CNTNAP2: variants seen among roughly 807,000 people sequenced by gnomAD.
CNTNAP2 encodes contactin-associated protein-like 2.
Under a neutral mutation model 155.2 loss-of-function variants are expected in CNTNAP2, and 98 were observed. The ratio of observed to expected loss-of-function variants is 0.63; its 90% CI spans 0.54 to 0.75. CNTNAP2 has a LOEUF of 0.75. Among genes scored for constraint, CNTNAP2 ranks in the 30% least tolerant of loss-of-function variants. The pLI, the probability that CNTNAP2 is intolerant of heterozygous loss-of-function variation, is 0.00. For missense variants in CNTNAP2, 1,727 were observed against 1,688.1 expected (o/e 1.02, Z -0.40); for synonymous variants, 651 against 631.2 (o/e 1.03, Z -0.47).
intron 8 of CNTNAP2, among the ~76,000 whole-genome samples, chr7:147,279,415 G>A (rs1448951362): frequency 6.6e-6 from 1 of 151,652 alleles, no homozygotes; most frequent in Non-Finnish European, 1.5e-5. Flanking sequence ...GATGAACTTA[G>A]GCGATGGGTC....
chr7:148,420,660 G>C lies in CNTNAP2; in HGVS notation c.*5044G>C. ...TTTCGGAGATGGCTGTGAAAATATG[G>C]AAGTTCCTCTCAAGTAGGCCAAGAA... On this transcript the variant is annotated 3_prime_UTR_variant, in exon 24 of 24. Coordinates refer to ENST00000361727, the MANE Select transcript of CNTNAP2 (RefSeq NM_014141.6). 1 of 152,498 alleles carries C rather than the reference G, an allele frequency of 6.6e-6. No homozygotes were observed. Among genetic ancestry groups the C allele is most frequent in the Non-Finnish European group, 1.5e-5 (1 of 68,038 alleles). 9.4% of individuals were successfully genotyped at this position (152,498 alleles called of 1,614,324 possible). A position where few individuals can be genotyped will look rare whatever the true frequency, so the allele number is the denominator to read the frequency against.
chr7:146,828,414 A>T (rs1585110919), intron 2 of CNTNAP2, among the ~76,000 whole-genome samples: 1 of 152,148 alleles, frequency 6.6e-6, no homozygotes, highest in African/African-American at 2.4e-5. Flanking sequence ...TAAAGAACGC[A>T]GTCCAATCTC....
intron 21 of CNTNAP2, among the ~76,000 whole-genome samples, chr7:148,358,210 A>C (rs1798554065): frequency 6.6e-6 from 1 of 152,196 alleles, no homozygotes; most frequent in Admixed American, 6.5e-5. Context: ...GGGTCAGAGC[A>C]CAAAGAGACT....
chr7:146,172,801 C>T (rs1042073872), intron 1 of CNTNAP2, among the ~76,000 whole-genome samples: 10 of 152,092 alleles, frequency 6.6e-5, no homozygotes, highest in Admixed American at 2.0e-4. Flanking sequence ...TGTTTTTCAA[C>T]GCATTTTGTT....
At chr7:147,913,390 A>G (rs1207877867) in intron 14 of CNTNAP2, among the ~76,000 whole-genome samples, 6 of 152,336 alleles carry the variant, frequency 3.9e-5, no homozygotes, top group Middle Eastern at 3.4e-3. Context: ...CTCTCAGGAA[A>G]TAGAGATTTT....
intron 10 of CNTNAP2, among the ~76,000 whole-genome samples, chr7:147,474,470 C>A (rs1798280908): frequency 6.6e-6 from 1 of 152,014 alleles, no homozygotes; most frequent in Non-Finnish European, 1.5e-5. Context: ...GTAATCCCAG[C>A]TACTCAGGAG....
rs554581660 is a variant in CNTNAP2, at chr7:147,799,537, T to C, written c.2099-104028T>C. Among the ~76,000 whole-genome samples the C allele has an allele frequency of 1.1e-4, 17 of 152,256 alleles. No individual in the cohort carries two copies. The South Asian group carries it at 3.1e-3, about 28-fold the overall frequency. On this transcript the variant is annotated intron_variant, in intron 13 of 23. Transcript: ENST00000361727. ...GTCTACAAAGCATTGTAAAAATGTA[T>C]ATTAAATTTAAAAAAAAGGCAAGAA...
intron 1 of CNTNAP2, among the ~76,000 whole-genome samples, chr7:146,491,731 A>C (rs1032234601): frequency 1.3e-5 from 2 of 152,214 alleles, no homozygotes; most frequent in Admixed American, 6.5e-5. Context: ...CTAATGTCTC[A>C]TATCTGTGGA....
chr7:147,983,765 C>A (rs981782844), intron 15 of CNTNAP2, among the ~76,000 whole-genome samples: 1 of 152,126 alleles, frequency 6.6e-6, no homozygotes, highest in African/African-American at 2.4e-5. Context: ...TAGAAAGGAG[C>A]ATCTGGGTTA....
intron 1 of CNTNAP2, among the ~76,000 whole-genome samples, chr7:146,154,646 A>G (rs1043332699): frequency 1.3e-5 from 2 of 152,204 alleles, no homozygotes; most frequent in African/African-American, 4.8e-5. Flanking sequence ...CATTTACAGC[A>G]TATGCTACAG....
chr7:147,442,003 A>G (rs1797649756), intron 10 of CNTNAP2, among the ~76,000 whole-genome samples: 2 of 151,920 alleles, frequency 1.3e-5, no homozygotes, highest in South Asian at 4.2e-4. Context: ...ATCTGTTGTA[A>G]TCACTCTCTG....
chr7:146,883,302 C>G (rs1383996545), intron 3 of CNTNAP2, among the ~76,000 whole-genome samples: 3 of 152,054 alleles, frequency 2.0e-5, no homozygotes, highest in African/African-American at 4.8e-5. Context: ...TCAGAGATAA[C>G]TTTTAAAATT....
chr7:148,038,922 G>A (rs1045971391), intron 15 of CNTNAP2, among the ~76,000 whole-genome samples: 2 of 152,174 alleles, frequency 1.3e-5, no homozygotes, highest in Non-Finnish European at 2.9e-5. Context: ...AATTATGAAA[G>A]CTAAGTCCCA....
intron 1 of CNTNAP2, among the ~76,000 whole-genome samples, chr7:146,711,418 A>T (rs1801070162): frequency 6.8e-6 from 1 of 147,666 alleles, no homozygotes; most frequent in Admixed American, 6.8e-5. Context: ...ACTATGTAAT[A>T]TATAATATAT....
At chr7:148,180,884 A>G (rs1466685237) in intron 18 of CNTNAP2, among the ~76,000 whole-genome samples, 1 of 152,186 alleles carries the variant, frequency 6.6e-6, no homozygotes, top group Non-Finnish European at 1.5e-5. Context: ...GAACATTAGC[A>G]TGTGGGTCTG....
intron 13 of CNTNAP2, among the ~76,000 whole-genome samples, chr7:147,674,218 G>T (rs927389811): frequency 1.3e-5 from 2 of 152,122 alleles, no homozygotes; most frequent in Non-Finnish European, 2.9e-5. Flanking sequence ...AGATTTTGGT[G>T]GAAAGATGTA....
chr7:147,465,024 G>A (rs1034103088), intron 10 of CNTNAP2, among the ~76,000 whole-genome samples: 16 of 152,170 alleles, frequency 1.1e-4, no homozygotes, highest in African/African-American at 3.6e-4. Context: ...GATGCAGCTG[G>A]AAGGTATTAT....
intron 18 of CNTNAP2, among the ~76,000 whole-genome samples, chr7:148,183,386 G>C (rs1044884166): frequency 6.6e-6 from 1 of 150,468 alleles, no homozygotes; most frequent in African/African-American, 2.4e-5. Flanking sequence ...AAAGCCTAAA[G>C]TCTAAAGACA....
At chr7:147,129,819 C>A (rs1584862115) in intron 7 of CNTNAP2, among the ~76,000 whole-genome samples, 1 of 151,842 alleles carries the variant, frequency 6.6e-6, no homozygotes, top group East Asian at 1.9e-4. Flanking sequence ...TAACTTCATG[C>A]AAATGATTAT....
Sources: allele counts gnomAD v4.1 joint callset (sites outside exome capture counted in the v4.1 genomes callset), GRCh38; gene constraint gnomAD v4.1.1; transcripts MANE v1.5; gene names NCBI Gene and HGNC (gene_info 2026-07-23, HGNC 2026-07-21).